INPP4B: variants seen among roughly 807,000 people sequenced by gnomAD.
INPP4B encodes inositol polyphosphate 4-phosphatase type II.
In INPP4B, 55 loss-of-function variants were observed where a neutral mutation model predicts 122.5. The observed-to-expected ratio is 0.45, with a 90% CI of 0.36 to 0.56. INPP4B has a LOEUF of 0.56. Ranked by LOEUF, INPP4B falls within the 20% of genes least tolerant of loss-of-function variation. INPP4B has a pLI of 0.00. For synonymous variants in INPP4B, 403 were observed against 388.7 expected (o/e 1.04, Z -0.43); for missense variants, 1,000 against 1,097.7 (o/e 0.91, Z 1.26).
At chr4:142,161,111 T>C (rs1819883395) in intron 16 of INPP4B, among the ~76,000 whole-genome samples, 1 of 152,000 alleles carries the variant, frequency 6.6e-6, no homozygotes, top group Admixed American at 6.6e-5. Flanking sequence ...GGCAGACTTC[T>C]TCATGAAAAC....
chr4:142,563,233 T>G (rs1437466700), intron 2 of INPP4B, among the ~76,000 whole-genome samples: 3 of 152,214 alleles, frequency 2.0e-5, no homozygotes, highest in Non-Finnish European at 4.4e-5. Flanking sequence ...GTTTTCTTAT[T>G]GGCAACATGT....
intron 2 of INPP4B, among the ~76,000 whole-genome samples, chr4:142,631,117 G>A (rs1224064999): frequency 6.6e-6 from 1 of 151,978 alleles, no homozygotes; most frequent in East Asian, 1.9e-4. Context: ...AACCCTCCAG[G>A]TACAACATAC....
At chr4:142,559,885 C>A (rs1389690827) in intron 2 of INPP4B, among the ~76,000 whole-genome samples, 1 of 144,144 alleles carries the variant, frequency 6.9e-6, no homozygotes, top group Non-Finnish European at 1.5e-5. Context: ...GTTTCAGTTA[C>A]TTATTTACAT....
At chr4:142,803,185 AAGAAAG>A (rs1778241699) in intron 1 of INPP4B, among the ~76,000 whole-genome samples, 1 of 144,178 alleles carries the variant, frequency 6.9e-6, no homozygotes, top group Non-Finnish European at 1.5e-5. Context: ...AAAAAAAAAA[AAGAAAG>A]AAAGAAAGAA....
At position 142,508,549 on chromosome 4, in the gene INPP4B, C is replaced by T. The variant is rs115450393; in HGVS notation, c.-190-45823G>A. Among the ~76,000 whole-genome samples the T allele has an allele frequency of 8.1e-3, 1,236 of 152,206 alleles. 13 individuals are homozygous for T. Among genetic ancestry groups the T allele is most frequent in the African/African-American group, 0.028 (1,183 of 41,530 alleles). ...TCGGCCTCCCAAAGTGCTGGGTTTA[C>T]GGGCATGAACCACTGCGCCCGGCTT... On this transcript the variant is annotated intron_variant, in intron 2 of 25. Coordinates refer to ENST00000262992, the MANE Select transcript of INPP4B (RefSeq NM_001101669.3).
intron 25 of INPP4B, among the ~76,000 whole-genome samples, chr4:142,054,985 A>G (rs1417326612): frequency 6.6e-6 from 1 of 152,076 alleles, no homozygotes; most frequent in African/African-American, 2.4e-5. Flanking sequence ...ACTAAGAGAT[A>G]AGAGTGGCCA....
At chr4:142,450,655 A>G in intron 3 of INPP4B, among the ~76,000 whole-genome samples, 1 of 152,186 alleles carries the variant, frequency 6.6e-6, no homozygotes, top group East Asian at 1.9e-4. Flanking sequence ...TTATCATTCT[A>G]TATGCATTAA....
chr4:142,796,391 C>A (rs764805263), intron 1 of INPP4B, among the ~76,000 whole-genome samples: 9 of 151,868 alleles, frequency 5.9e-5, no homozygotes, highest in Non-Finnish European at 7.4e-5. Context: ...AAATTCTTAA[C>A]AGGGAGAAAG....
intron 23 of INPP4B, among the ~76,000 whole-genome samples, chr4:142,107,246 C>T (rs1366527732): frequency 6.6e-6 from 1 of 152,044 alleles, no homozygotes; most frequent in Non-Finnish European, 1.5e-5. Context: ...AAACACTCTG[C>T]CACCTGAGCT....
chr4:142,337,724 TTTTATATATA>T (rs201284422), intron 7 of INPP4B, among the ~76,000 whole-genome samples: 53,586 of 138,240 alleles, frequency 0.39, 10,826 homozygotes, highest in East Asian at 0.64. Context: ...ATAATATATA[TTTTATATATA>T]TTTATATATA....
chr4:142,200,020 C>T (rs907771627), intron 14 of INPP4B, among the ~76,000 whole-genome samples: 22 of 151,988 alleles, frequency 1.4e-4, no homozygotes, highest in Middle Eastern at 3.2e-3. Context: ...ACTGATATAT[C>T]TGAATAGTAA....
chr4:142,788,560 A>G (rs1776072177), intron 1 of INPP4B, among the ~76,000 whole-genome samples: 1 of 152,018 alleles, frequency 6.6e-6, no homozygotes, highest in South Asian at 2.1e-4. Flanking sequence ...ATTTTGGTGC[A>G]CCCATCACCC....
intron 10 of INPP4B, among the ~76,000 whole-genome samples, chr4:142,267,928 C>T (rs1254414076): frequency 1.3e-5 from 2 of 151,878 alleles, no homozygotes; most frequent in Non-Finnish European, 1.5e-5. Context: ...AAATGGCCAA[C>T]GGATATATTA....
chr4:142,242,074 A>G (rs917389884), intron 11 of INPP4B, among the ~76,000 whole-genome samples: 2 of 152,208 alleles, frequency 1.3e-5, no homozygotes, highest in African/African-American at 4.8e-5. Context: ...AAATGTATCT[A>G]TATTGCCTAT....
At chr4:142,260,624 A>T (rs1400224007) in intron 10 of INPP4B, 60 bp from the exon 11 acceptor site, 11 of 1,146,676 alleles carry the variant, frequency 9.6e-6, no homozygotes, top group Non-Finnish European at 1.4e-5. Flanking sequence ...AAGGAATGAT[A>T]TTATTTTATT....
intron 11 of INPP4B, among the ~76,000 whole-genome samples, chr4:142,240,642 C>T (rs748055206): frequency 3.3e-5 from 5 of 152,076 alleles, no homozygotes; most frequent in East Asian, 1.9e-4. Flanking sequence ...TACTAAATTG[C>T]GTATCTTTAT....
intron 21 of INPP4B, among the ~76,000 whole-genome samples, chr4:142,117,083 A>G (rs1254595132): frequency 6.6e-6 from 1 of 152,190 alleles, no homozygotes; most frequent in African/African-American, 2.4e-5. Flanking sequence ...AAATTCCTGG[A>G]CACATATACC....
At chr4:142,051,141 C>T (rs1442130273) in intron 25 of INPP4B, among the ~76,000 whole-genome samples, 1 of 151,860 alleles carries the variant, frequency 6.6e-6, no homozygotes, top group East Asian at 1.9e-4. Context: ...AGGTTTCTCT[C>T]TTCTCCCTCT....
At chr4:142,576,042 A>G (rs548641161) in intron 2 of INPP4B, among the ~76,000 whole-genome samples, 7 of 152,208 alleles carry the variant, frequency 4.6e-5, no homozygotes, top group African/African-American at 1.2e-4. Context: ...ACTAGCCTAG[A>G]TATCGTTATT....
Sources: gnomAD v4.1 joint callset for allele counts (sites outside exome capture counted in the v4.1 genomes callset) on GRCh38, gnomAD v4.1.1 for gene constraint, MANE v1.5 for transcripts, NCBI Gene and HGNC (gene_info 2026-07-23, HGNC 2026-07-21) for gene names.